The following TRPM1 variants were observed in gnomAD, a reference collection of about 807,000 sequenced individuals.
The protein encoded by TRPM1 is TRPM1-203 APA Isoform, Intron 10.
In TRPM1, 113 loss-of-function variants were observed where a neutral mutation model predicts 149.4. The observed-to-expected ratio is 0.76, with a 90% CI of 0.65 to 0.88. The LOEUF is 0.88. Among genes scored for constraint, TRPM1 ranks in the 40% least tolerant of loss-of-function variants. The pLI is 0.00. For synonymous variants in TRPM1, 741 were observed against 759.5 expected (o/e 0.98, Z 0.40); for missense variants, 1,976 against 2,038.7 (o/e 0.97, Z 0.59).
At chr15:31,130,187 G>GA (rs1250349517) in intron 1 of TRPM1, among the ~76,000 whole-genome samples, 1 of 152,220 alleles carries the variant, frequency 6.6e-6, no homozygotes, top group Non-Finnish European at 1.5e-5. Flanking sequence ...GACCTGCCCA[G>GA]TGTCTTACCT....
Position 31,035,403 on chromosome 15 carries a change from C to T in TRPM1, c.2700+143G>A, listed in dbSNP as rs1014075277. 17 of 1,232,258 alleles carry T rather than the reference C, an allele frequency of 1.4e-5. No homozygotes were observed. In the African/African-American group the frequency reaches 2.5e-4, roughly 18 times the overall value. The allele number at this position is 1,232,258 out of a possible 1,614,324, so 76.3% of individuals were successfully genotyped here. ...TCAAGTGATCCATCCGCCTCAGCCTCCCAGAGTGCTGGGATTACAGGCATG... is the reference window on the plus strand; with the variant it reads ...TCAAGTGATCCATCCGCCTCAGCCTTCCAGAGTGCTGGGATTACAGGCATG... On this transcript the variant is annotated intron_variant, in intron 21 of 27. Coordinates refer to ENST00000256552, the MANE Select transcript of TRPM1 (RefSeq NM_001252024.2).
chr15:31,114,192 C>G (rs1288914405), intron 1 of TRPM1, among the ~76,000 whole-genome samples: 1 of 152,154 alleles, frequency 6.6e-6, no homozygotes, highest in East Asian at 1.9e-4. Context: ...CCAAAAGGCC[C>G]CAGTGTGTGT....
chr15:31,112,119 A>G (rs1001300159), intron 1 of TRPM1, among the ~76,000 whole-genome samples: 2 of 152,216 alleles, frequency 1.3e-5, no homozygotes, highest in African/African-American at 4.8e-5. Context: ...CAAGTGCTGG[A>G]AAGTGTGGCA....
At chr15:31,102,466 C>T (rs1056897130), upstream of TRPM1, among the ~76,000 whole-genome samples, 1 of 152,218 alleles carries the variant, frequency 6.6e-6, no homozygotes, top group Admixed American at 6.5e-5. Context: ...GTCCGCCTCC[C>T]GCTTCTCACA....
chr15:31,089,351 C>T (rs538082052), intron 1 of TRPM1, among the ~76,000 whole-genome samples: 2 of 152,266 alleles, frequency 1.3e-5, no homozygotes, highest in Admixed American at 6.5e-5. Flanking sequence ...GGTTCAAAAT[C>T]CGGGAGGCTA....
rs2034371388 is a variant in TRPM1, at chr15:31,066,208, T to TGG, written c.657_658insCC (p.Lys220ProfsTer28). ...TGGGAGTTGTTGAGCACAGAGAGCT[T>TGG]ACTTAGAGGGTTGGACATGGTCTGG... On this transcript the variant is annotated frameshift_variant, in exon 7 of 28. Transcript: ENST00000256552. LOFTEE classifies it high-confidence loss of function. 6.2e-7 allele frequency: 1 copy of TGG among 1,613,998 alleles called. No individual in the cohort carries two copies. The highest frequency in any genetic ancestry group is 1.3e-5 in the African/African-American group (1 of 74,888).
At chr15:31,048,517 G>A (rs141626235) in intron 13 of TRPM1, among the ~76,000 whole-genome samples, 13 of 152,110 alleles carry the variant, frequency 8.5e-5, no homozygotes, top group African/African-American at 3.1e-4. Context: ...CATCAAGTTG[G>A]CCAGAATCAG....
At chr15:31,138,189 A>G (rs1406022886) in intron 1 of TRPM1, among the ~76,000 whole-genome samples, 1 of 152,166 alleles carries the variant, frequency 6.6e-6, no homozygotes, top group Non-Finnish European at 1.5e-5. Flanking sequence ...AATTGTTGTC[A>G]TTGGTGCAAA....
At chr15:31,006,114 C>T (rs2031978579) in intron 27 of TRPM1, among the ~76,000 whole-genome samples, 1 of 152,194 alleles carries the variant, frequency 6.6e-6, no homozygotes, top group South Asian at 2.1e-4. Context: ...CATTCCAGAT[C>T]CAAGTAATTC....
At chr15:31,107,004 T>G (rs1359120873) in intron 1 of TRPM1, among the ~76,000 whole-genome samples, 2 of 152,374 alleles carry the variant, frequency 1.3e-5, no homozygotes, top group East Asian at 1.9e-4. Context: ...TTTTGCAATA[T>G]AGTTGTCTTC....
At chr15:31,059,895 T>A (rs1329247878) in intron 11 of TRPM1, among the ~76,000 whole-genome samples, 2 of 152,058 alleles carry the variant, frequency 1.3e-5, no homozygotes, top group Non-Finnish European at 2.9e-5. Context: ...CTTATGTGTG[T>A]TCACACACAC....
At chr15:31,089,616 G>T (rs1374462233) in intron 1 of TRPM1, among the ~76,000 whole-genome samples, 5 of 152,226 alleles carry the variant, frequency 3.3e-5, no homozygotes, top group African/African-American at 9.6e-5. Flanking sequence ...ACTGGCTCGG[G>T]AGAGTTTGTA....
chr15:31,113,256 C>T (rs1189462003), intron 1 of TRPM1, among the ~76,000 whole-genome samples: 1 of 152,156 alleles, frequency 6.6e-6, no homozygotes, highest in Non-Finnish European at 1.5e-5. Flanking sequence ...GAGGGCTCCA[C>T]AGGACAGGAC....
At chr15:31,027,247 T>C (rs2032815689) in intron 25 of TRPM1, 130 bp from the exon 26 acceptor site, 1 of 788,480 alleles carries the variant, frequency 1.3e-6, no homozygotes, top group African/African-American at 1.7e-5. Context: ...TTAGTACTGA[T>C]TCCTTGATTA....
chr15:31,081,523 T>C, intron 1 of TRPM1, 85 bp from the exon 2 acceptor site: 1 of 883,766 alleles, frequency 1.1e-6, no homozygotes, highest in African/African-American at 1.7e-5. Flanking sequence ...CTGCCCTCCC[T>C]TTGTTCCAGT....
At chr15:31,095,838 G>A (rs2035365119) in intron 1 of TRPM1, among the ~76,000 whole-genome samples, 1 of 151,894 alleles carries the variant, frequency 6.6e-6, no homozygotes, top group Non-Finnish European at 1.5e-5. Flanking sequence ...GAGGTCAGGA[G>A]TTCGAGACCA....
At chr15:31,146,427 A>G (rs1293667644) in intron 1 of TRPM1, among the ~76,000 whole-genome samples, 1 of 152,254 alleles carries the variant, frequency 6.6e-6, no homozygotes, top group Admixed American at 6.5e-5. Flanking sequence ...CCAACAGACC[A>G]GACTAGAAAT....
At chr15:31,104,266 T>C (rs148953314), upstream of TRPM1, among the ~76,000 whole-genome samples, 1,255 of 152,232 alleles carry the variant, frequency 8.2e-3, 7 homozygotes, top group Non-Finnish European at 0.01. Context: ...GTGACCTGTA[T>C]GCTCACCTGT....
chr15:31,122,585 A>G (rs1171515432), intron 1 of TRPM1, among the ~76,000 whole-genome samples: 2 of 152,324 alleles, frequency 1.3e-5, no homozygotes, highest in Non-Finnish European at 1.5e-5. Context: ...TTACACTAGT[A>G]CCAAACAATA....
Sources: gnomAD v4.1 joint callset for allele counts (sites outside exome capture counted in the v4.1 genomes callset) on GRCh38, gnomAD v4.1.1 for gene constraint, MANE v1.5 for transcripts, NCBI Gene and HGNC (gene_info 2026-07-23, HGNC 2026-07-21) for gene names.